ADGRL3: variants seen among roughly 807,000 people sequenced by gnomAD.
The protein encoded by ADGRL3 is adhesion G protein-coupled receptor L3, also known as calcium-independent alpha-latrotoxin receptor 3.
ADGRL3 carries 62 observed loss-of-function variants against 153.5 expected under a neutral mutation model. The ratio of observed to expected loss-of-function variants is 0.40; its 90% CI spans 0.33 to 0.50. The LOEUF is 0.50. Ranked by LOEUF, ADGRL3 falls within the 20% of genes least tolerant of loss-of-function variation. The pLI is 0.47. For missense variants in ADGRL3, 1,641 were observed against 1,859.4 expected (o/e 0.88, Z 2.16); for synonymous variants, 710 against 672.5 (o/e 1.06, Z -0.86).
chr4:61,255,769 A>G (rs2091899865), intron 1 of ADGRL3, among the ~76,000 whole-genome samples: 1 of 152,164 alleles, frequency 6.6e-6, no homozygotes, highest in Non-Finnish European at 1.5e-5. Context: ...TCTGCCTCTC[A>G]TTATTTCATT....
At chr4:61,372,507 C>T (rs1249264931) in intron 1 of ADGRL3, among the ~76,000 whole-genome samples, 1 of 152,162 alleles carries the variant, frequency 6.6e-6, no homozygotes, top group East Asian at 1.9e-4. Context: ...TGTCAGTGTG[C>T]CCCTGCTCAT....
intron 4 of ADGRL3, among the ~76,000 whole-genome samples, chr4:61,541,010 G>C (rs886182385): frequency 2.6e-5 from 4 of 152,198 alleles, no homozygotes; most frequent in Non-Finnish European, 5.9e-5. Context: ...CTGAGCTGAG[G>C]AGGTAAGGAG....
At chr4:61,913,923 C>A (rs552463207) in intron 13 of ADGRL3, among the ~76,000 whole-genome samples, 8 of 152,108 alleles carry the variant, frequency 5.3e-5, no homozygotes, top group Non-Finnish European at 1.2e-4. Flanking sequence ...TTCTGGCTGG[C>A]AAATTCTTTT....
At chr4:61,344,930 G>A (rs1286906884) in intron 1 of ADGRL3, among the ~76,000 whole-genome samples, 1 of 151,262 alleles carries the variant, frequency 6.6e-6, no homozygotes, top group African/African-American at 2.4e-5. Context: ...GGGATTATAG[G>A]TGCCTGCCAC....
chr4:61,449,724 T>C (rs914020050), intron 2 of ADGRL3, among the ~76,000 whole-genome samples: 16 of 152,140 alleles, frequency 1.1e-4, no homozygotes, highest in Admixed American at 1.0e-3. Context: ...TAGGAACATC[T>C]CATTCTTTAG....
Position 62,004,985 on chromosome 4 carries a change from T to G in ADGRL3, c.3395+6720T>G, listed in dbSNP as rs376041926. Among the ~76,000 whole-genome samples the G allele has an allele frequency of 3.9e-5, 6 of 152,166 alleles. No individual in the cohort carries two copies. In the East Asian group the frequency reaches 1.2e-3, roughly 29 times the overall value. On this transcript the variant is annotated intron_variant, in intron 21 of 26. Coordinates refer to ENST00000683033, the MANE Select transcript of ADGRL3 (RefSeq NM_001387552.1). ...AAGCAATCCAAGTGTATTTAAAGAGTAATACAATCCAAACAACATTGTGTG... is the reference window on the plus strand; with the variant it reads ...AAGCAATCCAAGTGTATTTAAAGAGGAATACAATCCAAACAACATTGTGTG...
At chr4:61,644,256 AT>A (rs1175225886) in intron 5 of ADGRL3, among the ~76,000 whole-genome samples, 7 of 128,472 alleles carry the variant, frequency 5.4e-5, no homozygotes, top group Non-Finnish European at 8.9e-5. Flanking sequence ...GGATTCATTA[AT>A]TTTTTGAAGG....
intron 9 of ADGRL3, among the ~76,000 whole-genome samples, chr4:61,865,044 A>G (rs948278636): frequency 2.6e-5 from 4 of 152,184 alleles, no homozygotes; most frequent in African/African-American, 9.6e-5. Flanking sequence ...GCTCTTCTTT[A>G]TGCATGAATT....
chr4:62,074,794 A>G lies in ADGRL3; in HGVS notation c.*3886A>G, dbSNP rs1364726105. ...AACTAAAAATGTTGACATATTAAGGAAAGGATCTTTAAGATCTAGGTTTAA... is the reference window on the plus strand; with the variant it reads ...AACTAAAAATGTTGACATATTAAGGGAAGGATCTTTAAGATCTAGGTTTAA... On this transcript the variant is annotated 3_prime_UTR_variant, in exon 27 of 27. Coordinates refer to ENST00000683033, the MANE Select transcript of ADGRL3 (RefSeq NM_001387552.1). 1 of 152,208 alleles carries G rather than the reference A, an allele frequency of 6.6e-6. No individual in the cohort carries two copies. Among genetic ancestry groups the G allele is most frequent in the Non-Finnish European group, 1.5e-5 (1 of 68,038 alleles). 9.4% of individuals were successfully genotyped at this position (152,208 alleles called of 1,614,324 possible). A position where few individuals can be genotyped will look rare whatever the true frequency, so the allele number is the denominator to read the frequency against.
chr4:61,742,545 G>A (rs2096594991), intron 8 of ADGRL3, among the ~76,000 whole-genome samples: 1 of 152,102 alleles, frequency 6.6e-6, no homozygotes, highest in East Asian at 1.9e-4. Flanking sequence ...CTCCCAAAGT[G>A]CTGGGATTAC....
At chr4:61,578,090 A>C (rs1159739526) in intron 4 of ADGRL3, among the ~76,000 whole-genome samples, 1 of 152,090 alleles carries the variant, frequency 6.6e-6, no homozygotes, top group Non-Finnish European at 1.5e-5. Flanking sequence ...TGAAATGGGA[A>C]ACCATAAAGA....
chr4:61,840,419 A>G lies in ADGRL3; in HGVS notation c.1480+26530A>G, dbSNP rs544651586. Among the ~76,000 whole-genome samples, 5 of 152,320 alleles carry G rather than the reference A, an allele frequency of 3.3e-5. No individual in the cohort carries two copies. In the South Asian group the frequency reaches 1.0e-3, roughly 32 times the overall value. On this transcript the variant is annotated intron_variant, in intron 9 of 26. Coordinates refer to ENST00000683033, the MANE Select transcript of ADGRL3 (RefSeq NM_001387552.1). Reference sequence around the variant, plus strand: ...AACTTTCACAAATACATGTTATGATATTAAATCCTATTGACATATAACGAA... The same window carrying G: ...AACTTTCACAAATACATGTTATGATGTTAAATCCTATTGACATATAACGAA...
chr4:61,490,350 T>TTCCCCATTGTTTCCTTCTCC (rs2098244984), intron 2 of ADGRL3, among the ~76,000 whole-genome samples: 1 of 152,142 alleles, frequency 6.6e-6, no homozygotes, highest in South Asian at 2.1e-4. Flanking sequence ...TTTCCTTCTC[T>TTCCCCATTGTTTCCTTCTCC]TCCTCATTGT....
At chr4:61,938,008 C>T (rs1360272355) in intron 15 of ADGRL3, among the ~76,000 whole-genome samples, 1 of 152,176 alleles carries the variant, frequency 6.6e-6, no homozygotes, top group Non-Finnish European at 1.5e-5. Context: ...CCTCCCAACT[C>T]AGCCTCCCAT....
In ADGRL3 at chr4:61,870,080, A is replaced by G. The variant is rs183760461; in HGVS notation, c.1481-22576A>G. On this transcript the variant is annotated intron_variant, in intron 9 of 26. Coordinates refer to ENST00000683033, the MANE Select transcript of ADGRL3 (RefSeq NM_001387552.1). Reference sequence around the variant, plus strand: ...AAAAAACGTAATTCCTATTGTTGGGACTCAATGTGGTGTTGAGATTTAAAA... The same window carrying G: ...AAAAAACGTAATTCCTATTGTTGGGGCTCAATGTGGTGTTGAGATTTAAAA... Among the ~76,000 whole-genome samples the G allele has an allele frequency of 7.1e-4, 108 of 151,826 alleles. 2 individuals carry two copies. Among genetic ancestry groups the G allele is most frequent in the African/African-American group, 2.0e-3 (82 of 41,426 alleles).
chr4:62,006,456 A>AGTTTTTGTTTTT (rs908586496), intron 21 of ADGRL3, among the ~76,000 whole-genome samples: 1 of 151,874 alleles, frequency 6.6e-6, no homozygotes, highest in Admixed American at 6.6e-5. Context: ...GGGGTAGGAC[A>AGTTTTTGTTTTT]GTTTTTGTTT....
intron 1 of ADGRL3, among the ~76,000 whole-genome samples, chr4:61,274,621 C>T (rs2093373029): frequency 6.6e-6 from 1 of 151,930 alleles, no homozygotes; most frequent in Non-Finnish European, 1.5e-5. Flanking sequence ...TTTTGGTTAT[C>T]AGGGACAGTG....
chr4:61,396,615 A>G (rs2152072588), intron 2 of ADGRL3, among the ~76,000 whole-genome samples: 1 of 151,912 alleles, frequency 6.6e-6, no homozygotes, highest in South Asian at 2.1e-4. Context: ...GGTCAAAATG[A>G]TGAGTAACCA....
rs1461139898 is a variant in ADGRL3 at position 61,626,412 on chromosome 4, A to T, written c.473+38972A>T. Among the ~76,000 whole-genome samples, 4 of 59,154 alleles carry T rather than the reference A, an allele frequency of 6.8e-5. No homozygotes were observed. In the Admixed American group the frequency reaches 1.0e-3, roughly 15 times the overall value. The allele number at this position is 59,154 out of a possible 152,430, so 38.8% of individuals were successfully genotyped here. On this transcript the variant is annotated intron_variant, in intron 5 of 26. Transcript: ENST00000683033. ...TATGCCATTTTTCATCTCCTCAAAC[A>T]TCTTTAAAGGTATTTTTTTCTCTTT...
Sources: allele counts gnomAD v4.1 joint callset (sites outside exome capture counted in the v4.1 genomes callset), GRCh38; gene constraint gnomAD v4.1.1; transcripts MANE v1.5; gene names NCBI Gene and HGNC (gene_info 2026-07-23, HGNC 2026-07-21).